CCBE1: variants seen among roughly 807,000 people sequenced by gnomAD.
CCBE1 encodes collagen and calcium binding EGF domains 1, also known as collagen and calcium-binding EGF domain-containing protein 1.
Under a neutral mutation model 50.0 loss-of-function variants are expected in CCBE1, and 37 were observed. The ratio of observed to expected loss-of-function variants is 0.74; its 90% CI spans 0.57 to 0.97. The LOEUF (loss-of-function observed/expected upper bound fraction) is 0.97. Among genes scored for constraint, CCBE1 ranks in the 50% least tolerant of loss-of-function variants. The pLI is 0.00. For synonymous variants in CCBE1, 234 were observed against 203.7 expected, an observed-to-expected ratio of 1.15 and a Z score of -1.27; for missense variants, 538 against 523.8, an observed-to-expected ratio of 1.03 and a Z score of -0.26.
intron 2 of CCBE1, among the ~76,000 whole-genome samples, chr18:59,552,297 A>C (rs1459601125): frequency 6.6e-6 from 1 of 152,198 alleles, no homozygotes; most frequent in Non-Finnish European, 1.5e-5. Flanking sequence ...AGGCCTGCAA[A>C]TTATTGTGAG....
rs1911111836 is a variant in CCBE1, at chr18:59,454,899, G to C, written c.606C>G (p.Cys202Trp). Reference protein sequence around the residue: ...MVKAGTCCATCKEFYQMKQTV... With the variant: ...MVKAGTCCATWKEFYQMKQTV... ...TCTGCTTCATCTGGTAGAACTCCTT[G>C]CATGTGGCACAGCAAGTTCCGGCTT... The change falls in exon 6 of 11, where the codon TGC becomes TGG. Residue 202 changes from cysteine (C) to tryptophan (W), a missense_variant. Physicochemically the swap from Cys to Trp is radical, Grantham distance 215 (BLOSUM62 -2). Coordinates refer to ENST00000439986, the MANE Select transcript of CCBE1 (RefSeq NM_133459.4). The C allele has an allele frequency of 1.2e-6, 2 of 1,614,178 alleles. No individual in the cohort carries two copies. Among genetic ancestry groups the C allele is most frequent in the African/African-American group, 1.3e-5 (1 of 75,048 alleles).
At chr18:59,442,706 C>A (rs1910490039) in intron 7 of CCBE1, among the ~76,000 whole-genome samples, 1 of 151,970 alleles carries the variant, frequency 6.6e-6, no homozygotes, top group Non-Finnish European at 1.5e-5. Context: ...CCAGCCTAGG[C>A]AACAGAATGA....
intron 2 of CCBE1, among the ~76,000 whole-genome samples, chr18:59,502,593 T>C (rs1913675314): frequency 6.6e-6 from 1 of 152,186 alleles, no homozygotes; most frequent in Admixed American, 6.5e-5. Flanking sequence ...GAGGGCAGCA[T>C]TAAACACTCG....
chr18:59,456,947 C>G (rs1191638002), intron 5 of CCBE1, among the ~76,000 whole-genome samples: 1 of 152,156 alleles, frequency 6.6e-6, no homozygotes, highest in East Asian at 1.9e-4. Flanking sequence ...GTTGGCAGCA[C>G]CCGAGCTAGG....
chr18:59,696,485 C>T, intron 2 of CCBE1, 144 bp downstream of exon 2: 3 of 1,522,008 alleles, frequency 2.0e-6, no homozygotes, highest in Non-Finnish European at 2.6e-6. Flanking sequence ...CAAAGATTCG[C>T]ACCGCGCGGC....
intron 2 of CCBE1, among the ~76,000 whole-genome samples, chr18:59,611,752 A>T (rs930928546): frequency 6.6e-6 from 1 of 152,120 alleles, no homozygotes; most frequent in Non-Finnish European, 1.5e-5. Flanking sequence ...TCTTAAAAAA[A>T]AAAATAAAAA....
chr18:59,578,729 A>G (rs1277924565), intron 2 of CCBE1, among the ~76,000 whole-genome samples: 2 of 152,210 alleles, frequency 1.3e-5, no homozygotes, highest in African/African-American at 4.8e-5. Flanking sequence ...GTTTTCACTT[A>G]TAAGTGGGAG....
chr18:59,599,960 C>T (rs2144556764), intron 2 of CCBE1, among the ~76,000 whole-genome samples: 1 of 152,274 alleles, frequency 6.6e-6, no homozygotes, highest in South Asian at 2.1e-4. Context: ...CCATTCAGAG[C>T]AAAAACTCAC....
intron 5 of CCBE1, among the ~76,000 whole-genome samples, chr18:59,459,696 A>G (rs1248338776): frequency 6.6e-6 from 1 of 152,056 alleles, no homozygotes; most frequent in East Asian, 1.9e-4. Context: ...GAAATGAACA[A>G]AGCATGTTTG....
intron 2 of CCBE1, among the ~76,000 whole-genome samples, chr18:59,535,624 A>G (rs1227289240): frequency 6.6e-6 from 1 of 152,224 alleles, no homozygotes; most frequent in Non-Finnish European, 1.5e-5. Flanking sequence ...TAGCTGAAAA[A>G]TTTGGAAGCA....
At chr18:59,692,324 A>G (rs1015065662) in intron 2 of CCBE1, among the ~76,000 whole-genome samples, 2 of 152,236 alleles carry the variant, frequency 1.3e-5, no homozygotes, top group African/African-American at 2.4e-5. Context: ...GCAGCCCTAT[A>G]GTTTAAGTAC....
chr18:59,598,069 C>T (rs573449471), intron 2 of CCBE1, among the ~76,000 whole-genome samples: 15 of 151,516 alleles, frequency 9.9e-5, no homozygotes, highest in Non-Finnish European at 2.1e-4. Flanking sequence ...TTGGTGGACA[C>T]AGGTTGAGGT....
intron 2 of CCBE1, among the ~76,000 whole-genome samples, chr18:59,539,655 C>T (rs953877788): frequency 8.5e-5 from 13 of 152,180 alleles, no homozygotes; most frequent in Non-Finnish European, 1.5e-4. Context: ...AGGCTATTGG[C>T]AGTAACATCA....
chr18:59,567,187 C>T (rs970669478), intron 2 of CCBE1, among the ~76,000 whole-genome samples: 6 of 150,888 alleles, frequency 4.0e-5, no homozygotes, highest in South Asian at 2.1e-4. Flanking sequence ...GGTGTGATCT[C>T]GGCTCACTGT....
chr18:59,452,906 A>G (rs1911008900), intron 6 of CCBE1, among the ~76,000 whole-genome samples: 1 of 152,248 alleles, frequency 6.6e-6, no homozygotes, highest in Non-Finnish European at 1.5e-5. Flanking sequence ...ATAAGGTAGA[A>G]CGATGCTAGT....
At chr18:59,593,796 C>T (rs74861420) in intron 2 of CCBE1, among the ~76,000 whole-genome samples, 9,223 of 152,284 alleles carry the variant, frequency 0.061, 830 homozygotes, top group African/African-American at 0.19. Context: ...TAAATTGTAA[C>T]TGATTAAGTC....
In CCBE1 at chr18:59,482,151, T is replaced by G. The variant is rs1225219879; in HGVS notation, c.213-1913A>C. On this transcript the variant is annotated intron_variant, in intron 2 of 10. Transcript: ENST00000439986. ...TTACGAGTGAGAACACGCGGTTTTCTGTTCCTGTGTTCGTTTGCTGAGTGA... is the reference window on the plus strand; with the variant it reads ...TTACGAGTGAGAACACGCGGTTTTCGGTTCCTGTGTTCGTTTGCTGAGTGA... Among the ~76,000 whole-genome samples the G allele has an allele frequency of 3.3e-5, 5 of 152,246 alleles. 1 individual carries two copies. Among genetic ancestry groups the G allele is most frequent in the Admixed American group, 3.3e-4 (5 of 15,282 alleles).
chr18:59,653,723 T>C (rs540924260), intron 2 of CCBE1, among the ~76,000 whole-genome samples: 1 of 152,328 alleles, frequency 6.6e-6, no homozygotes, highest in Non-Finnish European at 1.5e-5. Flanking sequence ...CACGCTGACA[T>C]CCAGGGGTTA....
At chr18:59,593,539 A>G (rs1033938719) in intron 2 of CCBE1, among the ~76,000 whole-genome samples, 1 of 152,240 alleles carries the variant, frequency 6.6e-6, no homozygotes, top group Admixed American at 6.5e-5. Flanking sequence ...TAGCACAGAC[A>G]ATGAAAATAC....
Sources: gnomAD v4.1 joint callset for allele counts (sites outside exome capture counted in the v4.1 genomes callset) on GRCh38, gnomAD v4.1.1 for gene constraint, MANE v1.5 for transcripts, NCBI Gene and HGNC (gene_info 2026-07-23, HGNC 2026-07-21) for gene names.